The following NALCN variants were observed in gnomAD, a reference collection of about 807,000 sequenced individuals.
NALCN encodes the protein sodium leak channel NALCN.
In NALCN, 111 loss-of-function variants were observed where a neutral mutation model predicts 225.3. The observed-to-expected ratio is 0.49, with a 90% CI of 0.42 to 0.58. NALCN has a LOEUF of 0.58. NALCN is among the 20% of genes least tolerant of loss of function. The pLI is 0.00. For synonymous variants in NALCN, 764 were observed against 769.0 expected (o/e 0.99, Z 0.11); for missense variants, 1,378 against 2,202.4 (o/e 0.63, Z 7.49).
intron 7 of NALCN, among the ~76,000 whole-genome samples, chr13:101,325,104 C>T (rs1008971740): frequency 1.3e-5 from 2 of 152,050 alleles, no homozygotes; most frequent in African/African-American, 2.4e-5. Flanking sequence ...GGCTTAAATC[C>T]GTACAGGGTT....
chr13:101,346,783 A>G (rs1156696619), intron 6 of NALCN, among the ~76,000 whole-genome samples: 2 of 152,160 alleles, frequency 1.3e-5, no homozygotes, highest in Non-Finnish European at 2.9e-5. Flanking sequence ...GACCTTAAAA[A>G]TGGACCCCAA....
intron 6 of NALCN, among the ~76,000 whole-genome samples, chr13:101,364,265 G>A (rs956263298): frequency 6.6e-6 from 1 of 152,092 alleles, no homozygotes; most frequent in Non-Finnish European, 1.5e-5. Flanking sequence ...AGAGATAGCA[G>A]CACTCACATG....
At chr13:101,333,796 C>T (rs2045267803) in intron 7 of NALCN, among the ~76,000 whole-genome samples, 1 of 152,170 alleles carries the variant, frequency 6.6e-6, no homozygotes, top group South Asian at 2.1e-4. Context: ...GTTCTGCAGG[C>T]TGCTGTCGCC....
At chr13:101,344,678 T>C (rs910629342) in intron 7 of NALCN, among the ~76,000 whole-genome samples, 1 of 152,236 alleles carries the variant, frequency 6.6e-6, no homozygotes, top group Non-Finnish European at 1.5e-5. Context: ...ATTATGTATG[T>C]AATGGCACAT....
chr13:101,088,583 G>A (rs1243128224), intron 30 of NALCN, among the ~76,000 whole-genome samples: 1 of 152,206 alleles, frequency 6.6e-6, no homozygotes, highest in African/African-American at 2.4e-5. Context: ...GCATTTGAGA[G>A]TTGTGAGAAT....
chr13:101,153,753 C>T (rs1439165343), intron 15 of NALCN, among the ~76,000 whole-genome samples: 1 of 152,200 alleles, frequency 6.6e-6, no homozygotes, highest in Non-Finnish European at 1.5e-5. Context: ...TCCTAACTGG[C>T]TTTCTGTCTT....
intron 6 of NALCN, among the ~76,000 whole-genome samples, chr13:101,350,064 C>T (rs906723869): frequency 6.6e-6 from 1 of 152,068 alleles, no homozygotes; most frequent in Non-Finnish European, 1.5e-5. Context: ...CTCCATCTCC[C>T]TCTCTACACA....
intron 14 of NALCN, among the ~76,000 whole-genome samples, chr13:101,182,334 T>C (rs2039274696): frequency 6.6e-6 from 1 of 151,968 alleles, no homozygotes. Context: ...AAGGCAAGAC[T>C]CCTAAAGGAA....
At chr13:101,148,735 T>C (rs2037482135) in intron 15 of NALCN, among the ~76,000 whole-genome samples, 1 of 152,120 alleles carries the variant, frequency 6.6e-6, no homozygotes. Flanking sequence ...GAAGGAATAA[T>C]GGTATTGATC....
At chr13:101,310,108 A>G (rs1162137127) in intron 7 of NALCN, among the ~76,000 whole-genome samples, 2 of 152,120 alleles carry the variant, frequency 1.3e-5, no homozygotes, top group African/African-American at 4.8e-5. Context: ...AGCCACTGCC[A>G]TCTCTCGCCT....
chr13:101,267,541 T>G (rs552159803), intron 10 of NALCN, among the ~76,000 whole-genome samples: 1 of 152,342 alleles, frequency 6.6e-6, no homozygotes, highest in South Asian at 2.1e-4. Context: ...AAAGGTGAAG[T>G]AAGCAGAGAC....
In NALCN at chr13:101,081,596, T is replaced by C. The variant is rs779995473; in HGVS notation, c.3816A>G (p.Arg1272=). 36 of 1,614,046 alleles carry C rather than the reference T, an allele frequency of 2.2e-5. No individual in the cohort carries two copies. Among genetic ancestry groups the C allele is most frequent in the Non-Finnish European group, 3.0e-5 (35 of 1,180,022 alleles). ...TCACCAGGAGATCGTATCGGTTTCT[T>C]CTGCTTTGCCAGAAGCCAGCAGGCG... is the stretch of plus-strand genomic sequence containing the variant. ...AMSPAGFWQS[R]RNRYDLLVTS... The change falls in exon 34 of 44, where the codon AGA becomes AGG. Residue 1272 remains arginine, a synonymous_variant. Transcript: ENST00000251127.
intron 22 of NALCN, among the ~76,000 whole-genome samples, chr13:101,105,633 A>AC (rs2035054759): frequency 2.0e-5 from 2 of 98,006 alleles, no homozygotes; most frequent in Non-Finnish European, 4.8e-5. Context: ...ATAATTCAAG[A>AC]TAAAAAAAAC....
chr13:101,198,618 G>T (rs527982516), intron 13 of NALCN, among the ~76,000 whole-genome samples: 1 of 152,112 alleles, frequency 6.6e-6, no homozygotes, highest in African/African-American at 2.4e-5. Context: ...TTAGAATGGC[G>T]ATCATTAAAA....
At chr13:101,311,674 G>A (rs1225330497) in intron 7 of NALCN, among the ~76,000 whole-genome samples, 26 of 152,206 alleles carry the variant, frequency 1.7e-4, no homozygotes, top group African/African-American at 5.8e-4. Flanking sequence ...ATTGATTTGC[G>A]TATGTTGAAC....
chr13:101,228,455 T>A (rs2041229698), intron 13 of NALCN, among the ~76,000 whole-genome samples: 1 of 152,168 alleles, frequency 6.6e-6, no homozygotes, highest in South Asian at 2.1e-4. Flanking sequence ...AGGTGTGAGA[T>A]AATTGAATCA....
chr13:101,107,920 G>C, intron 20 of NALCN, 131 bp from the exon 21 acceptor site: 1 of 348,996 alleles, frequency 2.9e-6, no homozygotes, highest in Non-Finnish European at 4.9e-6. Flanking sequence ...TATATTTACT[G>C]TTAAACATAT....
intron 10 of NALCN, among the ~76,000 whole-genome samples, chr13:101,261,329 T>C (rs936069646): frequency 8.5e-5 from 13 of 152,202 alleles, no homozygotes; most frequent in African/African-American, 2.9e-4. Context: ...TTGTTTAGGA[T>C]AGATTTGGCT....
chr13:101,056,233 A>G (rs1159130622), intron 43 of NALCN, among the ~76,000 whole-genome samples: 1 of 136,072 alleles, frequency 7.3e-6, no homozygotes, highest in African/African-American at 2.7e-5. Context: ...CTAGGCATGG[A>G]CCAGTGGAAG....
Sources: gnomAD v4.1 joint callset for allele counts (sites outside exome capture counted in the v4.1 genomes callset) on GRCh38, gnomAD v4.1.1 for gene constraint, MANE v1.5 for transcripts, NCBI Gene and HGNC (gene_info 2026-07-23, HGNC 2026-07-21) for gene names.